ANKRD30BL: variants seen among roughly 807,000 people sequenced by gnomAD.
The protein encoded by ANKRD30BL is ankyrin repeat domain 30B like.
Under a neutral mutation model 18.4 loss-of-function variants are expected in ANKRD30BL, and 20 were observed. The observed-to-expected ratio is 1.09, with a 90% CI of 0.77 to 1.58. ANKRD30BL has a LOEUF of 1.58. Among genes scored for constraint, ANKRD30BL ranks in the 40% most tolerant of loss-of-function variants. ANKRD30BL has a pLI of 0.00. For missense variants in ANKRD30BL, 224 were observed against 268.6 expected, an observed-to-expected ratio of 0.83 and a Z score of 1.16; for synonymous variants, 72 against 100.9, an observed-to-expected ratio of 0.71 and a Z score of 1.72.
intron 1 of ANKRD30BL, among the ~76,000 whole-genome samples, chr2:132,187,411 C>T (rs962754828): frequency 1.3e-5 from 2 of 151,596 alleles, no homozygotes; most frequent in Non-Finnish European, 2.9e-5. Context: ...GCCGGGCTTC[C>T]TCAAGCGATT....
chr2:132,193,227 C>T lies in ANKRD30BL; in HGVS notation n.442-36081G>A, dbSNP rs182122115. Among the ~76,000 whole-genome samples, 675 of 152,304 alleles carry T rather than the reference C, an allele frequency of 4.4e-3. 9 individuals are homozygous for T. The highest frequency in any genetic ancestry group is 0.015 in the African/African-American group (634 of 41,556). On this transcript the variant is annotated intron_variant and non_coding_transcript_variant, in intron 1 of 4. Coordinates refer to the ANKRD30BL transcript ENST00000470729. ...ATATGACCATGTTGGCAGAGATGGA[C>T]GATACATATGGGCCCCACAGCCTGG... is the stretch of plus-strand genomic sequence containing the variant.
chr2:132,195,246 G>T (rs1274313833), intron 1 of ANKRD30BL, among the ~76,000 whole-genome samples: 1 of 152,182 alleles, frequency 6.6e-6, no homozygotes, highest in Non-Finnish European at 1.5e-5. Flanking sequence ...ACAGAAGTGT[G>T]ATTAGTGGTG....
intron 1 of ANKRD30BL, among the ~76,000 whole-genome samples, chr2:132,223,766 C>T (rs1573861945): frequency 6.6e-6 from 1 of 150,826 alleles, no homozygotes; most frequent in Non-Finnish European, 1.5e-5. Context: ...GGAGGGCTTT[C>T]AGGCCTACAG....
intron 1 of ANKRD30BL, among the ~76,000 whole-genome samples, chr2:132,193,063 C>T (rs1486637301): frequency 6.6e-6 from 1 of 152,138 alleles, no homozygotes; most frequent in Non-Finnish European, 1.5e-5. Context: ...TCTTGTATTG[C>T]ACGTTAACAC....
chr2:132,187,172 G>GTTTTTT, intron 1 of ANKRD30BL, among the ~76,000 whole-genome samples: 1 of 80,282 alleles, frequency 1.2e-5, no homozygotes, highest in Non-Finnish European at 2.8e-5. Flanking sequence ...GAAGTTTTTT[G>GTTTTTT]TTTTTTTTTT....
upstream of ANKRD30BL, among the ~76,000 whole-genome samples, chr2:132,162,443 C>G (rs1025441045): frequency 6.6e-6 from 1 of 152,156 alleles, no homozygotes; most frequent in African/African-American, 2.4e-5. Context: ...CCACCCGGGG[C>G]TCTGCTCTTC....
At chr2:132,188,682 C>A (rs1678770485) in intron 1 of ANKRD30BL, among the ~76,000 whole-genome samples, 1 of 152,034 alleles carries the variant, frequency 6.6e-6, no homozygotes, top group Non-Finnish European at 1.5e-5. Flanking sequence ...TGCACTCCAG[C>A]CTGGGTGATA....
intron 1 of ANKRD30BL, among the ~76,000 whole-genome samples, chr2:132,255,906 C>T (rs1680820425): frequency 6.6e-6 from 1 of 152,100 alleles, no homozygotes; most frequent in Non-Finnish European, 1.5e-5. Context: ...TCCAGAAGCA[C>T]CAAAGCTGGC....
chr2:132,198,310 TTCTTTCTTTCTTTC>T (rs1438034185), intron 1 of ANKRD30BL, among the ~76,000 whole-genome samples: 1,703 of 14,870 alleles, frequency 0.11, 159 homozygotes, highest in South Asian at 0.18. Flanking sequence ...CTTTCTTTCT[TTCTTTCTTTCTTTC>T]TTTTTTTTTT....
intron 4 of ANKRD30BL, 51 bp from the exon 5 acceptor site, chr2:132,151,027 A>C (rs188442935): frequency 1.1e-4 from 61 of 531,476 alleles, no homozygotes; most frequent in African/African-American, 1.1e-3. Flanking sequence ...ATTGATATAA[A>C]AAATATTTAC....
chr2:132,252,661 G>A (rs77206083), intron 1 of ANKRD30BL, among the ~76,000 whole-genome samples: 5 of 152,074 alleles, frequency 3.3e-5, no homozygotes, highest in East Asian at 1.9e-4. Flanking sequence ...GGCGAACTGC[G>A]GCGACTGTGA....
rs539741415 is a variant in ANKRD30BL, at chr2:132,255,521, G to A, written n.441+2008C>T. ...ACCCGCTCCCAAGATTCAACTACGA[G>A]CTTTTTAACTGCAACAACTTTAATA... is the stretch of plus-strand genomic sequence containing the variant. On this transcript the variant is annotated intron_variant and non_coding_transcript_variant, in intron 1 of 4. Transcript: ENST00000470729. Among the ~76,000 whole-genome samples, 1,326 of 152,104 alleles carry A rather than the reference G, an allele frequency of 8.7e-3. 19 individuals carry two copies. The highest frequency in any genetic ancestry group is 0.03 in the African/African-American group (1,234 of 41,490).
chr2:132,153,954 G>C (rs1687834585), intron 4 of ANKRD30BL, among the ~76,000 whole-genome samples: 1 of 152,122 alleles, frequency 6.6e-6, no homozygotes, highest in Admixed American at 6.6e-5. Context: ...TAATCTAAAA[G>C]AGGCAAAGTT....
At chr2:132,235,375 T>A (rs1377987041) in intron 1 of ANKRD30BL, among the ~76,000 whole-genome samples, 1 of 152,006 alleles carries the variant, frequency 6.6e-6, no homozygotes, top group African/African-American at 2.4e-5. Flanking sequence ...GAGTATTCAA[T>A]TATGAAAAGA....
At chr2:132,221,706 C>T (rs1365536377) in intron 1 of ANKRD30BL, among the ~76,000 whole-genome samples, 6 of 114,958 alleles carry the variant, frequency 5.2e-5, no homozygotes, top group East Asian at 2.7e-4. Flanking sequence ...GGATCAGCCC[C>T]CTGCCTGGCC....
At chr2:132,249,985 A>T (rs2323822) in intron 1 of ANKRD30BL, among the ~76,000 whole-genome samples, 5 of 145,874 alleles carry the variant, frequency 3.4e-5, no homozygotes, top group Admixed American at 2.8e-4. Flanking sequence ...TTATGTGAAG[A>T]TATTTCCTTT....
At chr2:132,220,653 C>T (rs919614560) in intron 1 of ANKRD30BL, among the ~76,000 whole-genome samples, 4 of 152,136 alleles carry the variant, frequency 2.6e-5, no homozygotes, top group Non-Finnish European at 2.9e-5. Context: ...GACGGAGTCT[C>T]GTTCACTCAG....
intron 1 of ANKRD30BL, among the ~76,000 whole-genome samples, chr2:132,160,109 T>C (rs1240535830): frequency 6.6e-6 from 1 of 152,172 alleles, no homozygotes; most frequent in Non-Finnish European, 1.5e-5. Context: ...TTGTGATTTA[T>C]TTATTTATTT....
chr2:132,255,474 A>G (rs1680804367), intron 1 of ANKRD30BL, among the ~76,000 whole-genome samples: 1 of 151,866 alleles, frequency 6.6e-6, no homozygotes. Context: ...AGAAGCAGGG[A>G]CGGGCTGTGG....
Sources: allele counts gnomAD v4.1 joint callset (sites outside exome capture counted in the v4.1 genomes callset), GRCh38; gene constraint gnomAD v4.1.1; transcripts MANE v1.5; gene names NCBI Gene and HGNC (gene_info 2026-07-23, HGNC 2026-07-21).